PARP1: variants seen among roughly 807,000 people sequenced by gnomAD.
PARP1 encodes the protein poly(ADP-ribose) polymerase 1, also known as poly [ADP-ribose] polymerase 1.
PARP1 carries 44 observed loss-of-function variants against 118.7 expected under a neutral mutation model. The ratio of observed to expected loss-of-function variants is 0.37; its 90% CI spans 0.29 to 0.48. The LOEUF is 0.48. Ranked by LOEUF, PARP1 falls within the 20% of genes least tolerant of loss-of-function variation. The pLI is 0.99. For missense variants in PARP1, 1,100 were observed against 1,272.4 expected (o/e 0.86, Z 2.06); for synonymous variants, 492 against 483.2 (o/e 1.02, Z -0.24).
In PARP1 at chr1:226,377,144, G is replaced by C; in HGVS notation, c.1905C>G (p.Pro635=). ...AWHSKNFTKY[P]KKFYPLEIDY... ...CAATCTCCAGGGGGTAGAACTTTTT[G>C]GGATACTTCGTGAAATTTTTGGAGT... is the stretch of plus-strand genomic sequence containing the variant. Residue 635 remains proline, a synonymous_variant, in exon 13 of 23, where the codon CCC becomes CCG. Coordinates refer to ENST00000366794, the MANE Select transcript of PARP1 (RefSeq NM_001618.4). 1.9e-6 allele frequency: 3 copies of C among 1,614,000 alleles called. No individual in the cohort carries two copies. Among genetic ancestry groups the C allele is most frequent in the Non-Finnish European group, 2.5e-6 (3 of 1,180,016 alleles).
intron 7 of PARP1, among the ~76,000 whole-genome samples, chr1:226,383,391 T>G (rs1315428829): frequency 6.6e-6 from 1 of 152,184 alleles, no homozygotes; most frequent in African/African-American, 2.4e-5. Flanking sequence ...ACTTTTACAT[T>G]TATAATAGGG....
chr1:226,405,038 TAA>T (rs1665117388), intron 1 of PARP1, among the ~76,000 whole-genome samples: 1 of 152,206 alleles, frequency 6.6e-6, no homozygotes, highest in East Asian at 1.9e-4. Context: ...GCATGAGGGC[TAA>T]AGTGTCAGGT....
chr1:226,367,428 C>G (rs1394804390), intron 17 of PARP1, 52 bp downstream of exon 17: 2 of 1,602,714 alleles, frequency 1.2e-6, no homozygotes, highest in African/African-American at 2.7e-5. Context: ...TTTGGGACCG[C>G]TGCTCTCAGG....
chr1:226,370,650 C>G lies in PARP1; in HGVS notation c.2071-133G>C. On this transcript the variant is annotated intron_variant, in intron 14 of 22. Coordinates refer to ENST00000366794, the MANE Select transcript of PARP1 (RefSeq NM_001618.4). The stretch of plus-strand genomic sequence containing the variant: ...AGCCTGCTGGGATTTCCTGAGGACA[C>G]CAGTGACCCAAATCCAGAGTCTGTA... 4.1e-6 allele frequency: 3 copies of G among 736,698 alleles called. No individual in the cohort carries two copies. The South Asian group carries it at 4.3e-5, about 10-fold the overall frequency. The allele number at this position is 736,698 out of a possible 1,614,324, so 45.6% of individuals were successfully genotyped here.
At chr1:226,364,421 TG>T in intron 19 of PARP1, 1 of 348,892 alleles carries the variant, frequency 2.9e-6, no homozygotes, top group Non-Finnish European at 5.6e-6. Flanking sequence ...GAATGCAGGC[TG>T]GTATTTTTAT....
At chr1:226,391,861 A>G (rs879598929) in intron 3 of PARP1, among the ~76,000 whole-genome samples, 17 of 152,340 alleles carry the variant, frequency 1.1e-4, no homozygotes, top group South Asian at 4.1e-4. Context: ...CTGGAGGCTC[A>G]TAACAGGGTA....
chr1:226,384,292 G>A (rs928385024), intron 7 of PARP1, among the ~76,000 whole-genome samples: 1 of 152,192 alleles, frequency 6.6e-6, no homozygotes, highest in African/African-American at 2.4e-5. Flanking sequence ...AGGAAGAAAA[G>A]GGTGGCAGAA....
chr1:226,388,554 G>A (rs1664756588), intron 5 of PARP1, 102 bp downstream of exon 5: 11 of 831,242 alleles, frequency 1.3e-5, no homozygotes, highest in East Asian at 2.4e-5. Context: ...TTTGCTAAAG[G>A]TCTTAATAAG....
At chr1:226,397,197 T>C (rs1275238386) in intron 2 of PARP1, among the ~76,000 whole-genome samples, 4 of 150,632 alleles carry the variant, frequency 2.7e-5, no homozygotes, top group Non-Finnish European at 5.9e-5. Context: ...GTTGGGCAAC[T>C]GTAGTCCTAG....
intron 13 of PARP1, among the ~76,000 whole-genome samples, chr1:226,376,023 G>T (rs892672686): frequency 6.6e-6 from 1 of 151,926 alleles, no homozygotes; most frequent in Non-Finnish European, 1.5e-5. Flanking sequence ...ACTCAGTAAG[G>T]GGCGCTACCG....
intron 8 of PARP1, 23 bp from the exon 9 acceptor site, chr1:226,381,231 T>C (rs1558237669): frequency 2.5e-6 from 4 of 1,614,128 alleles, no homozygotes; most frequent in South Asian, 2.2e-5. Context: ...GAGAGAATCA[T>C]TCAGCAAGGC....
intron 10 of PARP1, 136 bp from the exon 11 acceptor site, chr1:226,379,777 C>T (rs1017271159): frequency 1.4e-6 from 2 of 1,417,902 alleles, no homozygotes; most frequent in African/African-American, 2.8e-5. Context: ...CTCCCGCCAC[C>T]CCAAAGCGCC....
Position 226,383,178 on chromosome 1 carries a change from G to C in PARP1, c.1017C>G (p.Phe339Leu). The change falls in exon 8 of 23, where the codon TTC becomes TTG. Residue 339 changes from phenylalanine to leucine, a missense_variant. Physicochemically the swap from Phe to Leu is conservative, Grantham distance 22. Coordinates refer to ENST00000366794, the MANE Select transcript of PARP1 (RefSeq NM_001618.4). ...ATTTCTTGAGGTAAGAGATTTCTCG[G>C]AATTCCTAAAAAATATTAAGTTTTA... ...NRKEWVTPKE[F>L]REISYLKKLK... is the part of the protein sequence containing the mutation. 3 of 1,612,756 alleles carry C rather than the reference G, an allele frequency of 1.9e-6. No homozygotes were observed. The highest frequency in any genetic ancestry group is 2.5e-6 in the Non-Finnish European group (3 of 1,179,248).
chr1:226,362,328 G>C (rs373177619), intron 21 of PARP1: 1 of 469,668 alleles, frequency 2.1e-6, no homozygotes, highest in African/African-American at 2.0e-5. Context: ...TGGGATTACA[G>C]GTGCGCGCCA....
chr1:226,389,710 G>A (rs549970616), intron 4 of PARP1, among the ~76,000 whole-genome samples: 18 of 152,280 alleles, frequency 1.2e-4, no homozygotes, highest in African/African-American at 4.3e-4. Flanking sequence ...CAATGAACAG[G>A]CGTTATGAAC....
chr1:226,400,355 A>C (rs1318969105), intron 2 of PARP1, among the ~76,000 whole-genome samples: 1 of 152,168 alleles, frequency 6.6e-6, no homozygotes, highest in African/African-American at 2.4e-5. Context: ...AAACTAGATC[A>C]TCATCTGGAA....
chr1:226,365,842 G>A, intron 18 of PARP1, 112 bp downstream of exon 18: 1 of 723,308 alleles, frequency 1.4e-6, no homozygotes. Flanking sequence ...TCACTTCTTT[G>A]GGTTATTTAA....
chr1:226,373,287 C>G (rs1664426293), intron 14 of PARP1, among the ~76,000 whole-genome samples: 1 of 152,192 alleles, frequency 6.6e-6, no homozygotes, highest in Non-Finnish European at 1.5e-5. Flanking sequence ...ATCTGAGACT[C>G]TTAACCTCCA....
chr1:226,373,102 G>A (rs562282458), intron 14 of PARP1, among the ~76,000 whole-genome samples: 57 of 152,320 alleles, frequency 3.7e-4, no homozygotes, highest in African/African-American at 1.3e-3. Flanking sequence ...TACGGGGTTG[G>A]CCCTGATGTC....
Sources: allele counts gnomAD v4.1 joint callset (sites outside exome capture counted in the v4.1 genomes callset), GRCh38; gene constraint gnomAD v4.1.1; transcripts MANE v1.5; gene names NCBI Gene and HGNC (gene_info 2026-07-23, HGNC 2026-07-21).